TRPV1: variants seen among roughly 807,000 people sequenced by gnomAD.
TRPV1 encodes transient receptor potential cation channel subfamily V member 1, also known as OTRPC1.
A neutral mutation model predicts 82.3 loss-of-function variants in TRPV1; 82 were observed. The observed-to-expected ratio is 1.00, with a 90% CI of 0.83 to 1.20. TRPV1 has a LOEUF of 1.20. TRPV1 is among the 50% of genes most tolerant of loss of function. The probability of loss-of-function intolerance (pLI) is 0.00; values close to 1 mark genes in which losing one functional copy is unlikely to be tolerated. For missense variants in TRPV1, 1,067 were observed against 1,096.8 expected (o/e 0.97, Z 0.38); for synonymous variants, 515 against 467.7 (o/e 1.10, Z -1.30).
At position 3,568,088 on chromosome 17, in the gene TRPV1, C is replaced by T. The variant is rs542054911; in HGVS notation, c.2348-1101G>A. Among the ~76,000 whole-genome samples the T allele has an allele frequency of 4.6e-5, 7 of 152,106 alleles. No individual in the cohort carries two copies. In the East Asian group the frequency reaches 1.4e-3, roughly 29 times the overall value. On this transcript the variant is annotated intron_variant, in intron 16 of 16. Transcript: ENST00000572705. Reference sequence around the variant, plus strand: ...CTGTAATCCCAGCACTGTGGGAGGCCGAGGCGGGCGGATCACGAGGTCAGG... The same window carrying T: ...CTGTAATCCCAGCACTGTGGGAGGCTGAGGCGGGCGGATCACGAGGTCAGG...
At chr17:3,590,230 G>T (rs1177155758) in intron 6 of TRPV1, 22 bp downstream of exon 6, 2 of 1,612,282 alleles carry the variant, frequency 1.2e-6, no homozygotes, top group African/African-American at 1.3e-5. Flanking sequence ...AAAGATCAGG[G>T]TCTGCCACAC....
chr17:3,597,413 C>T (rs1461313632), intron 2 of TRPV1, among the ~76,000 whole-genome samples: 1 of 152,180 alleles, frequency 6.6e-6, no homozygotes, highest in Admixed American at 6.5e-5. Flanking sequence ...GTAACTGTTC[C>T]GTTTTCAAAA....
intron 7 of TRPV1, among the ~76,000 whole-genome samples, chr17:3,589,280 C>G (rs1288302578): frequency 6.7e-6 from 1 of 148,738 alleles, no homozygotes; most frequent in Admixed American, 6.8e-5. Context: ...AATCTTGGCT[C>G]ACTGCCACCT....
At chr17:3,606,779 A>C (rs2075298607) in intron 2 of TRPV1, among the ~76,000 whole-genome samples, 1 of 152,184 alleles carries the variant, frequency 6.6e-6, no homozygotes, top group Admixed American at 6.5e-5. Flanking sequence ...GTGAATGCAT[A>C]GTCTGGAAAG....
At chr17:3,589,247 C>A (rs892211901) in intron 7 of TRPV1, among the ~76,000 whole-genome samples, 10 of 146,696 alleles carry the variant, frequency 6.8e-5, no homozygotes, top group Non-Finnish European at 4.5e-5. Flanking sequence ...TGCTCTGTCA[C>A]ACAGGCTAGA....
intron 8 of TRPV1, among the ~76,000 whole-genome samples, chr17:3,586,415 G>A (rs577806129): frequency 6.6e-5 from 10 of 152,368 alleles, no homozygotes; most frequent in African/African-American, 2.2e-4. Flanking sequence ...GGAGGGCCCA[G>A]TGCCTCATGC....
At position 3,580,461 on chromosome 17, in the gene TRPV1, G is replaced by C; in HGVS notation, c.1543C>G (p.Leu515Val). ...TLFVDSYSEM[L>V]FFLQSLFMLA... ...ATGAGTCAAAGTGTCACTTACAAAA[G>C]CATCTCACTGTAGCTGTCCACAAAC... is the stretch of plus-strand genomic sequence containing the variant. The change falls in exon 11 of 17, where the codon CTT becomes GTT. Residue 515 changes from leucine to valine, a missense_variant. Transcript: ENST00000572705. 1 of 1,614,036 alleles carries C rather than the reference G, an allele frequency of 6.2e-7. No individual in the cohort carries two copies. Among genetic ancestry groups the C allele is most frequent in the African/African-American group, 1.3e-5 (1 of 75,062 alleles).
Position 3,580,539 on chromosome 17 carries a change from CAG to C in TRPV1, c.1477-14_1477-13del. On this transcript the variant is annotated splice_polypyrimidine_tract_variant and intron_variant, in intron 10 of 16. Transcript: ENST00000572705. ...AGGAAATACTGAATCTGCAGGTAAA[CAG>C]AGAGAGTAAGATCCCAGGCAATGCT... 1 of 1,613,970 alleles carries C rather than the reference CAG, an allele frequency of 6.2e-7. No individual in the cohort carries two copies. The highest frequency in any genetic ancestry group is 2.2e-5 in the East Asian group (1 of 44,888).
In TRPV1 at chr17:3,573,928, T is replaced by A. The variant is rs1221253558; in HGVS notation, c.1808A>T (p.Lys603Met). Reference sequence around the variant, plus strand: ...GGACTCAGACGGCAGGGAGTCATTCTTCCCGTCTTCAATCAGCGTCACCAC... The same window carrying A: ...GGACTCAGACGGCAGGGAGTCATTCATCCCGTCTTCAATCAGCGTCACCAC... ...TAVVTLIEDG[K>M]NDSLPSESTS... Residue 603 changes from lysine to methionine, a missense_variant, in exon 14 of 17, where the codon AAG becomes ATG. Transcript: ENST00000572705. 1 of 1,605,384 alleles carries A rather than the reference T, an allele frequency of 6.2e-7. No individual in the cohort carries two copies. The highest frequency in any genetic ancestry group is 8.5e-7 in the Non-Finnish European group (1 of 1,177,258).
In TRPV1 at chr17:3,565,767, G is replaced by C. The variant is rs2074753061; in HGVS notation, c.*1048C>G. 6.6e-6 allele frequency: 1 copy of C among 152,310 alleles called. No homozygotes were observed. The highest frequency in any genetic ancestry group is 1.5e-5 in the Non-Finnish European group (1 of 68,098). The allele number at this position is 152,310 out of a possible 1,614,324, so 9.4% of individuals were successfully genotyped here. On this transcript the variant is annotated 3_prime_UTR_variant, in exon 17 of 17. Coordinates refer to ENST00000572705, the MANE Select transcript of TRPV1 (RefSeq NM_080704.4). ...ACCCCCAAACCACCCGGGCAGGTAA[G>C]AGGAGCAAGCACGGCACAGAGAGGA...
At chr17:3,584,402 C>CAAGAAAAAAAAAAAAAAAA (rs2075057678) in intron 9 of TRPV1, among the ~76,000 whole-genome samples, 1 of 16,746 alleles carries the variant, frequency 6.0e-5, no homozygotes, top group African/African-American at 2.3e-4. Flanking sequence ...GACTCTGTCT[C>CAAGAAAAAAAAAAAAAAAA]AAAAAAAAAA....
chr17:3,593,981 A>T (rs909831245), intron 2 of TRPV1, among the ~76,000 whole-genome samples: 4 of 151,894 alleles, frequency 2.6e-5, no homozygotes. Context: ...TACAAAAATT[A>T]GCCGGGCGTG....
rs1012335101 is a variant in TRPV1 at position 3,573,672 on chromosome 17, G to A, written c.2064C>T (p.Asn688=). The A allele has an allele frequency of 1.2e-6, 2 of 1,613,868 alleles. No individual in the cohort carries two copies. The highest frequency in any genetic ancestry group is 1.6e-4 in the Middle Eastern group (1 of 6,084). The change falls in exon 14 of 17, where the codon AAC becomes AAT. Residue 688 remains asparagine (N), a synonymous_variant. Coordinates refer to ENST00000572705, the MANE Select transcript of TRPV1 (RefSeq NM_080704.4). ...MLIALMGETV[N]KIAQESKNIW... is the part of the protein sequence containing the mutation. The stretch of plus-strand genomic sequence containing the variant: ...TGTTCTTGCTCTCCTGTGCGATCTT[G>A]TTGACAGTCTCACCCATGAGGGCGA...
intron 10 of TRPV1, among the ~76,000 whole-genome samples, chr17:3,581,756 G>A (rs71368146): frequency 1.3e-4 from 10 of 79,614 alleles, no homozygotes; most frequent in Non-Finnish European, 1.8e-4. Context: ...GCGGTGGCAC[G>A]CACCTGTAGT....
chr17:3,586,874 C>T (rs1597536308), intron 8 of TRPV1, among the ~76,000 whole-genome samples: 2 of 152,280 alleles, frequency 1.3e-5, no homozygotes, highest in African/African-American at 4.8e-5. Flanking sequence ...GAGTCCAACC[C>T]CCACCCCAAA....
intron 14 of TRPV1, among the ~76,000 whole-genome samples, chr17:3,573,282 T>TC (rs1164491589): frequency 6.6e-6 from 1 of 151,860 alleles, no homozygotes; most frequent in African/African-American, 2.4e-5. Flanking sequence ...GGCTGAGCCC[T>TC]CCCCCTTCTT....
At chr17:3,577,521 G>A (rs904170479) in intron 12 of TRPV1, 77 bp downstream of exon 12, 60 of 1,476,102 alleles carry the variant, frequency 4.1e-5, no homozygotes, top group African/African-American at 2.8e-4. Flanking sequence ...GAGGATGGGC[G>A]GAGTTCTTGG....
intron 2 of TRPV1, among the ~76,000 whole-genome samples, chr17:3,604,113 G>C (rs222740): frequency 1.6e-4 from 24 of 152,226 alleles, no homozygotes; most frequent in Non-Finnish European, 2.8e-4. Context: ...ATCAGATGGC[G>C]TATGTGTCAC....
intron 13 of TRPV1, among the ~76,000 whole-genome samples, chr17:3,574,713 C>CT (rs1809341320): frequency 6.6e-6 from 1 of 152,086 alleles, no homozygotes; most frequent in Non-Finnish European, 1.5e-5. Context: ...CTTTGGGAGG[C>CT]TGAGGCAGGC....
Sources: allele counts gnomAD v4.1 joint callset (sites outside exome capture counted in the v4.1 genomes callset), GRCh38; gene constraint gnomAD v4.1.1; transcripts MANE v1.5; gene names NCBI Gene and HGNC (gene_info 2026-07-23, HGNC 2026-07-21).